Variants in JAKMIP3 observed in about 807,000 individuals in gnomAD.
JAKMIP3 encodes the protein janus kinase and microtubule-interacting protein 3.
JAKMIP3 carries 58 observed loss-of-function variants against 118.5 expected under a neutral mutation model. The ratio of observed to expected loss-of-function variants is 0.49; its 90% CI spans 0.40 to 0.61. The LOEUF (loss-of-function observed/expected upper bound fraction) is 0.61. JAKMIP3 is among the 20% of genes least tolerant of loss of function. The pLI is 0.00. For synonymous variants in JAKMIP3, 486 were observed against 451.2 expected (o/e 1.08, Z -0.98); for missense variants, 950 against 1,109.0 (o/e 0.86, Z 2.04).
intron 1 of JAKMIP3, among the ~76,000 whole-genome samples, chr10:132,091,393 T>C (rs1319310410): frequency 1.3e-5 from 2 of 151,982 alleles, no homozygotes; most frequent in Non-Finnish European, 2.9e-5. Context: ...AACATTATTA[T>C]TGTGTGGGAG....
chr10:132,142,339 G>A (rs1409708838), intron 11 of JAKMIP3, among the ~76,000 whole-genome samples: 1 of 152,222 alleles, frequency 6.6e-6, no homozygotes, highest in East Asian at 1.9e-4. Context: ...GGGGCCCACA[G>A]CGCCCAGGGT....
chr10:132,153,878 A>T, intron 18 of JAKMIP3, 35 bp from the exon 19 acceptor site: 1 of 1,612,874 alleles, frequency 6.2e-7, no homozygotes, highest in Non-Finnish European at 8.5e-7. Flanking sequence ...CAGGTGGGAC[A>T]TCCGAGACCG....
intron 3 of JAKMIP3, among the ~76,000 whole-genome samples, chr10:132,128,389 T>C (rs2135576617): frequency 6.6e-6 from 1 of 152,364 alleles, no homozygotes; most frequent in Middle Eastern, 3.4e-3. Context: ...GGTGTGTTTT[T>C]GTAATTTTAA....
chr10:132,168,707 AGGAAGGCGTGGGGAGCGT>A lies in JAKMIP3; in HGVS notation c.*780_*797del. 1 of 291,026 alleles carries A rather than the reference AGGAAGGCGTGGGGAGCGT, an allele frequency of 3.4e-6. No individual in the cohort carries two copies. Among genetic ancestry groups the A allele is most frequent in the South Asian group, 2.9e-5 (1 of 34,604 alleles). The allele number at this position is 291,026 out of a possible 1,614,324, so 18.0% of individuals were successfully genotyped here. ...CTGGGAGCACCGCGGGACTGAGCCA[AGGAAGGCGTGGGGAGCGT>A]GGTGACAGGAGGTGGGACGAGGGGG... On this transcript the variant is annotated 3_prime_UTR_variant, in exon 23 of 24. Transcript: ENST00000684848.
intron 11 of JAKMIP3, among the ~76,000 whole-genome samples, chr10:132,142,679 C>T (rs1026595894): frequency 4.6e-5 from 7 of 152,176 alleles, no homozygotes; most frequent in Admixed American, 3.3e-4. Context: ...GGCCATGGGT[C>T]GGGGGTCCTC....
chr10:132,058,353 G>A (rs755319760), intron 1 of JAKMIP3, among the ~76,000 whole-genome samples: 1 of 152,208 alleles, frequency 6.6e-6, no homozygotes, highest in Non-Finnish European at 1.5e-5. Context: ...AATCAGCTCC[G>A]TAGACCAGGC....
intron 1 of JAKMIP3, among the ~76,000 whole-genome samples, chr10:132,079,076 A>AC (rs1589762705): frequency 7.1e-6 from 1 of 141,834 alleles, no homozygotes; most frequent in East Asian, 2.0e-4. Flanking sequence ...CTTCCAGGAG[A>AC]CCCCCACAGC....
intron 1 of JAKMIP3, among the ~76,000 whole-genome samples, chr10:132,038,392 A>C (rs1358949068): frequency 6.6e-6 from 1 of 152,246 alleles, no homozygotes; most frequent in Non-Finnish European, 1.5e-5. Context: ...GTTTGGTCCC[A>C]CAAGTGTGCA....
At chr10:132,109,125 CACACACACATATATATATATAT>C (rs1564908601) in intron 2 of JAKMIP3, among the ~76,000 whole-genome samples, 5 of 94,498 alleles carry the variant, frequency 5.3e-5, no homozygotes, top group East Asian at 4.6e-4. Flanking sequence ...TATATATATA[CACACACACATATATATATATAT>C]ACACACACAT....
Position 132,135,081 on chromosome 10 carries a change from T to C in JAKMIP3, c.890T>C (p.Leu297Pro), listed in dbSNP as rs756346167. 2.0e-5 allele frequency: 32 copies of C among 1,613,616 alleles called. No homozygotes were observed. Among genetic ancestry groups the C allele is most frequent in the East Asian group, 6.7e-5 (3 of 44,890 alleles). ...LDEKDARRFQ[L>P]KIAELSAIIR... ...GAAAAAGATGCCCGGCGCTTCCAGC[T>C]TAAAATCGCGGAGTTAAGTGCGATT... Residue 297 changes from leucine (L) to proline (P), a missense_variant, in exon 5 of 24, where the codon CTT becomes CCT. Leu to Pro is a moderately conservative substitution (Grantham distance 98). Transcript: ENST00000684848.
At chr10:132,050,944 G>A (rs541619225) in intron 1 of JAKMIP3, among the ~76,000 whole-genome samples, 69 of 150,536 alleles carry the variant, frequency 4.6e-4, no homozygotes, top group Non-Finnish European at 7.7e-4. Context: ...CTGGTGAGTG[G>A]GTACCTGCCT....
chr10:132,134,916 A>T, intron 4 of JAKMIP3, 125 bp from the exon 5 acceptor site: 1 of 1,216,158 alleles, frequency 8.2e-7, no homozygotes, highest in Non-Finnish European at 1.1e-6. Flanking sequence ...CCTTCCCGGC[A>T]GCCGCGTGGA....
At position 132,133,494 on chromosome 10, in the gene JAKMIP3, T is replaced by C. The variant is rs1190284633; in HGVS notation, c.816T>C (p.Gly272=). 1.3e-6 allele frequency: 2 copies of C among 1,576,604 alleles called. No homozygotes were observed. Among genetic ancestry groups the C allele is most frequent in the Non-Finnish European group, 8.6e-7 (1 of 1,162,050 alleles). ...SPRRELPHAA[G]AGDASDHSGS... The stretch of plus-strand genomic sequence containing the variant: ...GACGGGAACTTCCTCATGCAGCTGG[T>C]GCAGGAGACGCTTCAGACCACTCGG... The change falls in exon 4 of 24, where the codon GGT becomes GGC. Residue 272 remains glycine, a synonymous_variant. Transcript: ENST00000684848.
rs2060755767 is a variant in JAKMIP3 at position 132,180,562 on chromosome 10, T to TGTGC, written c.*1104-1792_*1104-1791insCGTG. Among the ~76,000 whole-genome samples the TGTGC allele has an allele frequency of 1.1e-4, 5 of 46,100 alleles. 1 individual carries two copies. The highest frequency in any genetic ancestry group is 4.5e-4 in the African/African-American group (5 of 11,202). 30.2% of individuals were successfully genotyped at this position (46,100 alleles called of 152,430 possible). ...GTGTGTGTGCGTGCGTGCATGCGTG[T>TGTGC]GTGTGCGTGTGTGTGTGCGTGCGCG... On this transcript the variant is annotated intron_variant, in intron 23 of 23. Coordinates refer to ENST00000684848, the MANE Select transcript of JAKMIP3 (RefSeq NM_001323087.2).
At position 132,133,435 on chromosome 10, in the gene JAKMIP3, G is replaced by T; in HGVS notation, c.757G>T (p.Val253Phe). 6.3e-7 allele frequency: 1 copy of T among 1,591,062 alleles called. No homozygotes were observed. Among genetic ancestry groups the T allele is most frequent in the East Asian group, 2.3e-5 (1 of 43,698 alleles). Residue 253 changes from valine (V) to phenylalanine (F), a missense_variant, in exon 4 of 24, where the codon GTC (valine) becomes TTC (phenylalanine). Val to Phe is a conservative substitution (Grantham distance 50, BLOSUM62 -1). Transcript: ENST00000684848. ...GGCTCTAGATGAGCAGCTGTCCCAG[G>T]TCCGAGAGGCCGACCGGCACCCGGG... ...KEALDEQLSQ[V>F]READRHPGSP... is the part of the protein sequence containing the mutation.
At chr10:132,100,887 G>A (rs928788330) in intron 1 of JAKMIP3, among the ~76,000 whole-genome samples, 3 of 152,004 alleles carry the variant, frequency 2.0e-5, no homozygotes, top group Admixed American at 2.0e-4. Context: ...GCTCCTGGGC[G>A]GGAAGGAAGA....
intron 2 of JAKMIP3, 131 bp downstream of exon 2, chr10:132,105,074 G>A: frequency 9.4e-7 from 1 of 1,068,674 alleles, no homozygotes; most frequent in Non-Finnish European, 1.3e-6. Flanking sequence ...AGGCTGCTTG[G>A]GACAGACCAC....
At chr10:132,134,047 TC>T (rs551186039) in intron 4 of JAKMIP3, among the ~76,000 whole-genome samples, 94 of 152,300 alleles carry the variant, frequency 6.2e-4, no homozygotes, top group African/African-American at 1.8e-3. Flanking sequence ...TCTGCGCTCC[TC>T]CCTGGGCCGC....
chr10:132,081,769 G>T (rs947478356), intron 1 of JAKMIP3, among the ~76,000 whole-genome samples: 3 of 151,980 alleles, frequency 2.0e-5, no homozygotes, highest in African/African-American at 7.3e-5. Flanking sequence ...GAGGAGTCTT[G>T]GGGGGAGACG....
Sources: allele counts gnomAD v4.1 joint callset (sites outside exome capture counted in the v4.1 genomes callset), GRCh38; gene constraint gnomAD v4.1.1; transcripts MANE v1.5; gene names NCBI Gene and HGNC (gene_info 2026-07-23, HGNC 2026-07-21).